The following LIN54 variants were observed in gnomAD, a reference collection of about 807,000 sequenced individuals.
LIN54 encodes the protein protein lin-54 homolog.
A neutral mutation model predicts 78.7 loss-of-function variants in LIN54; 9 were observed. That is an observed-to-expected ratio of 0.11 (90% CI 0.07 to 0.20). The LOEUF (loss-of-function observed/expected upper bound fraction) is 0.20. LIN54 is among the 10% of genes least tolerant of loss of function. The pLI, the probability that LIN54 is intolerant of heterozygous loss-of-function variation, is 1.00. For synonymous variants in LIN54, 269 were observed against 318.4 expected (o/e 0.84, Z 1.65); for missense variants, 573 against 889.9 (o/e 0.64, Z 4.53).
At chr4:83,002,100 A>C (rs1209137423) in intron 1 of LIN54, among the ~76,000 whole-genome samples, 1 of 151,342 alleles carries the variant, frequency 6.6e-6, no homozygotes, top group African/African-American at 2.4e-5. Flanking sequence ...AAGATGTAGA[A>C]GAAGCACAGA....
chr4:83,011,910 C>G (rs1008158489), upstream of LIN54: 2 of 419,308 alleles, frequency 4.8e-6, no homozygotes, highest in Non-Finnish European at 6.4e-6. Flanking sequence ...AACATAAGCT[C>G]TGGGCAAACT....
chr4:82,947,225 A>ATTTTT (rs1304000304), intron 4 of LIN54, among the ~76,000 whole-genome samples: 20 of 21,616 alleles, frequency 9.3e-4, no homozygotes, highest in African/African-American at 2.7e-3. Flanking sequence ...ATATATATAT[A>ATTTTT]TATATATATA....
chr4:82,980,602 CG>C (rs1726555331), intron 2 of LIN54, among the ~76,000 whole-genome samples: 1 of 151,996 alleles, frequency 6.6e-6, no homozygotes, highest in South Asian at 2.1e-4. Flanking sequence ...TATTTAAAAA[CG>C]GCCGACTTGC....
intron 2 of LIN54, among the ~76,000 whole-genome samples, chr4:82,979,937 C>A (rs1560768774): frequency 3.4e-5 from 1 of 29,822 alleles, no homozygotes; most frequent in Non-Finnish European, 9.7e-5. Context: ...GAGACTCTGT[C>A]TCAAAAAAAA....
Position 82,926,979 on chromosome 4 carries a change from C to G in LIN54, c.*1123G>C, listed in dbSNP as rs1191395443. On this transcript the variant is annotated 3_prime_UTR_variant, in exon 13 of 13. Transcript: ENST00000340417. ...TGGCTAACACGGTGAAACCCCGTCT[C>G]TACTAAAAATACAAAAAATGAGCCG... is the stretch of plus-strand genomic sequence containing the variant. 6.6e-6 allele frequency: 1 copy of G among 152,144 alleles called. No individual in the cohort carries two copies. Among genetic ancestry groups the G allele is most frequent in the Non-Finnish European group, 1.5e-5 (1 of 68,078 alleles). 9.4% of individuals were successfully genotyped at this position (152,144 alleles called of 1,614,324 possible).
chr4:82,982,790 A>G (rs551125299), intron 2 of LIN54, among the ~76,000 whole-genome samples: 1 of 152,210 alleles, frequency 6.6e-6, no homozygotes, highest in Non-Finnish European at 1.5e-5. Context: ...GAAATTCTAC[A>G]AAGTTCTTAA....
chr4:82,930,866 T>A (rs1385977474), intron 12 of LIN54, 77 bp downstream of exon 12: 3 of 1,357,730 alleles, frequency 2.2e-6, no homozygotes, highest in Non-Finnish European at 3.1e-6. Context: ...AAATATAAAC[T>A]CAACTTTGCC....
intron 11 of LIN54, among the ~76,000 whole-genome samples, chr4:82,932,092 ATT>A (rs70943171): frequency 4.8e-5 from 6 of 124,844 alleles, no homozygotes; most frequent in Admixed American, 1.7e-4. Flanking sequence ...GTGTATTTTA[ATT>A]TTTTTTTTTT....
intron 1 of LIN54, among the ~76,000 whole-genome samples, chr4:82,995,667 T>G (rs980808787): frequency 6.6e-6 from 1 of 151,440 alleles, no homozygotes; most frequent in Non-Finnish European, 1.5e-5. Flanking sequence ...GGCTAATTTT[T>G]TGTATTTTTA....
chr4:82,968,249 G>A (rs1725377538), intron 4 of LIN54, among the ~76,000 whole-genome samples: 1 of 151,812 alleles, frequency 6.6e-6, no homozygotes, highest in African/African-American at 2.4e-5. Context: ...TCTCCATGTT[G>A]GTCAGGCTGG....
intron 4 of LIN54, among the ~76,000 whole-genome samples, chr4:82,953,487 G>T (rs769122609): frequency 3.9e-5 from 6 of 152,090 alleles, no homozygotes; most frequent in Non-Finnish European, 7.4e-5. Context: ...AAATAGCTGG[G>T]TACAGTGACT....
intron 1 of LIN54, among the ~76,000 whole-genome samples, chr4:82,998,628 C>A (rs1728466911): frequency 6.6e-6 from 1 of 151,128 alleles, no homozygotes; most frequent in Middle Eastern, 3.2e-3. Context: ...GAGAAAGAAA[C>A]AGAGAAAGAA....
chr4:82,984,458 G>T lies in LIN54; in HGVS notation c.387C>A (p.Gly129=). ...GTCCATCTGGTTTAAGGGTCTGATT[G>T]CCAAGTTTAAGATCAGATGTCTGTG... ...KVSQTSDLKL[G]NQTLKPDGQK... The change falls in exon 2 of 13, where the codon GGC becomes GGA. Residue 129 remains glycine (G), a synonymous_variant. Coordinates refer to ENST00000340417, the MANE Select transcript of LIN54 (RefSeq NM_194282.4). The T allele has an allele frequency of 6.2e-7, 1 of 1,614,156 alleles. No individual in the cohort carries two copies.
rs1044110524 is a variant in LIN54, at chr4:82,925,398, G to C, written c.*2704C>G. On this transcript the variant is annotated 3_prime_UTR_variant, in exon 13 of 13. Coordinates refer to ENST00000340417, the MANE Select transcript of LIN54 (RefSeq NM_194282.4). ...TTTAGTAGAGACAGGGTTTCACCAT[G>C]TAGCCTGGGCTGGTCTAGAACTCCT... 6.6e-6 allele frequency: 1 copy of C among 152,226 alleles called. No homozygotes were observed. The highest frequency in any genetic ancestry group is 1.5e-5 in the Non-Finnish European group (1 of 68,056). 9.4% of individuals were successfully genotyped at this position (152,226 alleles called of 1,614,324 possible). A position where few individuals can be genotyped will look rare whatever the true frequency, so the allele number is the denominator to read the frequency against.
chr4:83,006,025 A>G (rs1351111147), intron 1 of LIN54, among the ~76,000 whole-genome samples: 1 of 152,212 alleles, frequency 6.6e-6, no homozygotes, highest in African/African-American at 2.4e-5. Context: ...GCAAATTAAC[A>G]CAGAAACAGA....
intron 1 of LIN54, among the ~76,000 whole-genome samples, chr4:83,003,183 T>C (rs934157302): frequency 6.6e-5 from 10 of 152,090 alleles, no homozygotes; most frequent in African/African-American, 2.4e-4. Flanking sequence ...TTGGCTTATT[T>C]TTTGTATTTT....
At chr4:82,985,686 G>A (rs1231103871) in intron 1 of LIN54, among the ~76,000 whole-genome samples, 2 of 152,022 alleles carry the variant, frequency 1.3e-5, no homozygotes, top group South Asian at 2.1e-4. Flanking sequence ...AATTACAGGC[G>A]CCTGCCACCA....
At chr4:83,011,558 T>C (rs540644363), upstream of LIN54, among the ~76,000 whole-genome samples, 1 of 151,426 alleles carries the variant, frequency 6.6e-6, no homozygotes, top group African/African-American at 2.4e-5. Context: ...TAAAATTATT[T>C]GCCAAATGTT....
In LIN54 at chr4:82,926,328, T is replaced by G. The variant is rs1377422118; in HGVS notation, c.*1774A>C. 1.3e-5 allele frequency: 2 copies of G among 152,426 alleles called. No individual in the cohort carries two copies. The highest frequency in any genetic ancestry group is 2.9e-5 in the Non-Finnish European group (2 of 67,966). The allele number at this position is 152,426 out of a possible 1,614,324, so 9.4% of individuals were successfully genotyped here. On this transcript the variant is annotated 3_prime_UTR_variant, in exon 13 of 13. Transcript: ENST00000340417. ...ACAAATTTTAATTAAACATACTAGA[T>G]TGAGGTGCTAAGAATGTTTGAACTA...
Sources: gnomAD v4.1 joint callset for allele counts (sites outside exome capture counted in the v4.1 genomes callset) on GRCh38, gnomAD v4.1.1 for gene constraint, MANE v1.5 for transcripts, NCBI Gene and HGNC (gene_info 2026-07-23, HGNC 2026-07-21) for gene names.